Variants in NEIL1 observed in about 807,000 individuals in gnomAD.
The protein encoded by NEIL1 is nei like DNA glycosylase 1.
In NEIL1, 31 loss-of-function variants were observed where a neutral mutation model predicts 44.2. The observed-to-expected ratio is 0.70, with a 90% CI of 0.53 to 0.95. NEIL1 has a LOEUF of 0.95. Among genes scored for constraint, NEIL1 ranks in the 40% least tolerant of loss-of-function variants. NEIL1 has a pLI of 0.00. For synonymous variants in NEIL1, 254 were observed against 209.7 expected (o/e 1.21, Z -1.83); for missense variants, 549 against 515.5 (o/e 1.07, Z -0.63).
chr15:75,354,900 G>A (rs2072233878), intron 9 of NEIL1, 64 bp from the exon 10 acceptor site: 19 of 1,611,662 alleles, frequency 1.2e-5, no homozygotes, highest in Non-Finnish European at 1.4e-5. Flanking sequence ...TACAAAGGTG[G>A]GAGAAAGGCT....
At chr15:75,347,842 A>G (rs763891629) in intron 1 of NEIL1, 1 of 1,174,382 alleles carries the variant, frequency 8.5e-7, no homozygotes, top group South Asian at 1.4e-5. Flanking sequence ...TAGGATTTGG[A>G]GCCTCACGTT....
Position 75,349,353 on chromosome 15 carries a change from C to T in NEIL1, c.434+14C>T, listed in dbSNP as rs1166267982. 1 of 1,589,412 alleles carries T rather than the reference C, an allele frequency of 6.3e-7. No individual in the cohort carries two copies. Among genetic ancestry groups the T allele is most frequent in the African/African-American group, 1.3e-5 (1 of 74,472 alleles). ...CCAGCAGTTCAGGTAGGGCCAGCAC[C>T]AGGTGTGATGAACATAGTCGCGGGC... On this transcript the variant is annotated intron_variant, in intron 2 of 9. Transcript: ENST00000355059.
intron 2 of NEIL1, chr15:75,349,549 T>A: frequency 1.7e-6 from 1 of 587,594 alleles, no homozygotes; most frequent in South Asian, 2.3e-5. Flanking sequence ...GTGTGGTGGC[T>A]CAAGTCTGTA....
chr15:75,348,069 G>T (rs909723162), intron 1 of NEIL1: 2 of 1,056,688 alleles, frequency 1.9e-6, no homozygotes, highest in Non-Finnish European at 2.3e-6. Flanking sequence ...AGGCGCTGCC[G>T]CGGGCCCTTT....
At position 75,356,775 on chromosome 15, in the gene NEIL1, G is replaced by A. The variant is rs1336261819; in HGVS notation, c.*1741G>A. 1 of 1,613,698 alleles carries A rather than the reference G, an allele frequency of 6.2e-7. No homozygotes were observed. The highest frequency in any genetic ancestry group is 2.2e-5 in the East Asian group (1 of 44,890). On this transcript the variant is annotated 3_prime_UTR_variant, in exon 10 of 10. Coordinates refer to ENST00000355059, the MANE Select transcript of NEIL1 (RefSeq NM_024608.4). The surrounding 1 kb of genome is among the most constrained non-coding windows in gnomAD (Gnocchi z 5.8). ...TTTCTCCATGCCAGCTCCCAGGCCTGGTGGGTACCCCACTTACAGCGAGAG... is the reference window on the plus strand; with the variant it reads ...TTTCTCCATGCCAGCTCCCAGGCCTAGTGGGTACCCCACTTACAGCGAGAG...
intron 2 of NEIL1, 186 bp from the exon 3 acceptor site, chr15:75,351,925 C>T (rs2071925584): frequency 5.1e-6 from 3 of 591,566 alleles, no homozygotes; most frequent in African/African-American, 1.9e-5. Flanking sequence ...CCTGGCCGTC[C>T]TTTCACAATG....
At chr15:75,351,417 A>T in intron 2 of NEIL1, 1 of 376,974 alleles carries the variant, frequency 2.7e-6, no homozygotes. Context: ...CTGGAACCAC[A>T]GGAGTGCATC....
In NEIL1 at chr15:75,354,696, C is replaced by A. The variant is rs1489820068; in HGVS notation, c.980C>A (p.Ala327Glu). ...AAGGCCCCTTCCAGGACACGAAGGG[C>A]AAAGAGAGACCTTCCTAAGAGGACT... ...PSKAPSRTRR[A>E]KRDLPKRTAT... is the part of the protein sequence containing the mutation. Residue 327 changes from alanine to glutamate, a missense_variant, in exon 9 of 10, where the codon GCA becomes GAA. Transcript: ENST00000355059. The A allele has an allele frequency of 1.2e-6, 2 of 1,614,152 alleles. No homozygotes were observed. The highest frequency in any genetic ancestry group is 1.7e-5 in the Admixed American group (1 of 60,024).
At chr15:75,347,726 A>T in intron 1 of NEIL1, 1 of 882,236 alleles carries the variant, frequency 1.1e-6, no homozygotes, top group Non-Finnish European at 1.4e-6. Flanking sequence ...GGAGAAGATG[A>T]GCTTTGGGGG....
At chr15:75,353,579 A>C in intron 5 of NEIL1, 160 bp from the exon 6 acceptor site, 1 of 823,602 alleles carries the variant, frequency 1.2e-6, no homozygotes, top group Non-Finnish European at 2.1e-6. Flanking sequence ...CCGAGTGGGA[A>C]GAAACCAGCT....
At chr15:75,352,867 C>A in intron 5 of NEIL1, 166 bp downstream of exon 5, 1 of 633,520 alleles carries the variant, frequency 1.6e-6, no homozygotes, top group Non-Finnish European at 2.8e-6. Context: ...AGGCTGGGCG[C>A]AGTGGCTCAT....
At chr15:75,350,102 A>G (rs1037673380) in intron 2 of NEIL1, among the ~76,000 whole-genome samples, 1 of 152,218 alleles carries the variant, frequency 6.6e-6, no homozygotes, top group Non-Finnish European at 1.5e-5. Flanking sequence ...CCTGCCCAGT[A>G]TTCTGTGTCC....
In NEIL1 at chr15:75,356,213, T is replaced by C. The variant is rs1440357025; in HGVS notation, c.*1179T>C. On this transcript the variant is annotated 3_prime_UTR_variant, in exon 10 of 10. Coordinates refer to ENST00000355059, the MANE Select transcript of NEIL1 (RefSeq NM_024608.4). The surrounding 1 kb of genome is among the most constrained non-coding windows in gnomAD (Gnocchi z 5.8). ...ACCAGCGAGCGGCGCTGGGGGCTGC[T>C]CTCCGCCTGCAGAGGAACACGTCTG... The C allele has an allele frequency of 6.2e-7, 1 of 1,612,850 alleles. No homozygotes were observed. The highest frequency in any genetic ancestry group is 8.5e-7 in the Non-Finnish European group (1 of 1,179,768).
chr15:75,354,885 G>C, intron 9 of NEIL1, 67 bp downstream of exon 9: 1 of 1,612,130 alleles, frequency 6.2e-7, no homozygotes, highest in East Asian at 2.2e-5. Flanking sequence ...GCCTAGGAGC[G>C]CGTGTACAAA....
chr15:75,353,229 A>ACACG, intron 5 of NEIL1: 1 of 218,532 alleles, frequency 4.6e-6, no homozygotes, highest in Non-Finnish European at 9.3e-6. Flanking sequence ...ATTTATACAC[A>ACACG]CACACACACA....
intron 1 of NEIL1, chr15:75,347,876 G>A (rs751717503): frequency 8.3e-7 from 1 of 1,202,718 alleles, no homozygotes; most frequent in South Asian, 1.4e-5. Context: ...AGCCCTGTGG[G>A]TGCCAGGCCA....
At chr15:75,352,074 G>A (rs2071941650) in intron 2 of NEIL1, 37 bp from the exon 3 acceptor site, 16 of 1,610,464 alleles carry the variant, frequency 9.9e-6, no homozygotes, top group Non-Finnish European at 1.3e-5. Context: ...ATGGAGGGTG[G>A]GGATGGGTCT....
chr15:75,347,851 T>A, intron 1 of NEIL1: 1 of 1,188,532 alleles, frequency 8.4e-7, no homozygotes, highest in Non-Finnish European at 1.1e-6. Flanking sequence ...GAGCCTCACG[T>A]TCTCCCGCAA....
intron 5 of NEIL1, chr15:75,353,208 T>A (rs1048621881): frequency 5.8e-6 from 1 of 173,612 alleles, no homozygotes; most frequent in East Asian, 1.5e-4. Flanking sequence ...AGGACAAGGA[T>A]TCTTTTATAT....
Sources: gnomAD v4.1 joint callset for allele counts (sites outside exome capture counted in the v4.1 genomes callset) on GRCh38, gnomAD v4.1.1 for gene constraint, Gnocchi (gnomAD v3.1) non-coding constraint, MANE v1.5 for transcripts, NCBI Gene and HGNC (gene_info 2026-07-23, HGNC 2026-07-21) for gene names.